The following JAKMIP1 variants were observed in gnomAD, a reference collection of about 807,000 sequenced individuals.
JAKMIP1 encodes the protein janus kinase and microtubule interacting protein 1.
In JAKMIP1, 33 loss-of-function variants were observed where a neutral mutation model predicts 113.0. That is an observed-to-expected ratio of 0.29 (90% CI 0.22 to 0.39). JAKMIP1 has a LOEUF of 0.39. Ranked by LOEUF, JAKMIP1 falls within the 10% of genes least tolerant of loss-of-function variation. The pLI is 1.00. For missense variants in JAKMIP1, 813 were observed against 1,080.5 expected (o/e 0.75, Z 3.47); for synonymous variants, 480 against 459.9 (o/e 1.04, Z -0.56).
At chr4:6,191,913 TTTTATTTA>T (rs55740817) in intron 1 of JAKMIP1, among the ~76,000 whole-genome samples, 8 of 141,054 alleles carry the variant, frequency 5.7e-5, no homozygotes, top group African/African-American at 1.6e-4. Context: ...CAGGAGTGCA[TTTTATTTA>T]TTTATTTATT....
rs1560280461 is a variant in JAKMIP1, at chr4:6,150,723, C to A, written c.-147-37726G>T. 6.6e-6 allele frequency among the ~76,000 whole-genome samples: 1 copy of A among 152,162 alleles called. No individual in the cohort carries two copies. The highest frequency in any genetic ancestry group is 1.5e-5 in the Non-Finnish European group (1 of 68,038). On this transcript the variant is annotated intron_variant, in intron 1 of 20. Coordinates refer to ENST00000409021, the MANE Select transcript of JAKMIP1 (RefSeq NM_001099433.2). The surrounding 1 kb of genome is among the most constrained non-coding windows in gnomAD (Gnocchi z 4.8). Reference sequence around the variant, plus strand: ...TGATGCTACAGGTAGGAAGAAAAATCTTTTAAAAGCACGTTAAAAGGCAGG... The same window carrying A: ...TGATGCTACAGGTAGGAAGAAAAATATTTTAAAAGCACGTTAAAAGGCAGG...
Position 6,036,046 on chromosome 4 carries a change from G to T in JAKMIP1, c.2237C>A (p.Ala746Asp). 1 of 1,555,712 alleles carries T rather than the reference G, an allele frequency of 6.4e-7. No individual in the cohort carries two copies. Residue 746 changes from alanine (A) to aspartate (D), a missense_variant, in exon 19 of 21, where the codon GCC becomes GAC. By Grantham distance (126) the Ala-to-Asp change is moderately radical (BLOSUM62 -2). Coordinates refer to ENST00000409021, the MANE Select transcript of JAKMIP1 (RefSeq NM_001099433.2). ...TALQQEPGRR[A>D]GEALSEGQRE... ...CTGGCCCTCGCTCAGCGCCTCACCG[G>T]CCCTCCGCCCCGGCTCCTGCTGCAG...
At position 6,049,821 on chromosome 4, in the gene JAKMIP1, C is replaced by T. The variant is rs370684951; in HGVS notation, c.1960G>A (p.Gly654Arg). The part of the protein sequence containing the change: ...MKKLDILGDN[G>R]NLRNEEQVAI... The stretch of plus-strand genomic sequence containing the variant: ...AGAAACCGATCGCTCATAGTTACCC[C>T]GTTATCGCCAAGGATATCTAATTTC... Residue 654 changes from glycine (G) to arginine (R), a missense_variant and splice_region_variant, in exon 15 of 21, where the codon GGG (glycine) becomes AGG (arginine). Gly to Arg is a moderately radical substitution (Grantham distance 125). Transcript: ENST00000409021. This position sits in a 1 kb window ranked among gnomAD's most constrained non-coding sequence, Gnocchi z 7.0. The T allele has an allele frequency of 1.1e-5, 17 of 1,609,456 alleles. No individual in the cohort carries two copies. The highest frequency in any genetic ancestry group is 2.2e-5 in the South Asian group (2 of 90,950).
At chr4:6,030,123 A>T (rs1712410049) in intron 19 of JAKMIP1, among the ~76,000 whole-genome samples, 1 of 152,242 alleles carries the variant, frequency 6.6e-6, no homozygotes, top group African/African-American at 2.4e-5. Flanking sequence ...TTTAAAAACA[A>T]AACATCGAGA....
Position 6,139,085 on chromosome 4 carries a change from TATACAC to T in JAKMIP1, c.-147-26094_-147-26089del, listed in dbSNP as rs1719703488. On this transcript the variant is annotated intron_variant, in intron 1 of 20. Transcript: ENST00000409021. This position sits in a 1 kb window ranked among gnomAD's most constrained non-coding sequence, Gnocchi z 5.2. ...ACACACACACACACACACACACACA[TATACAC>T]ACACACACACACACCAGCAGGTCAG... Among the ~76,000 whole-genome samples the T allele has an allele frequency of 7.1e-5, 2 of 28,000 alleles. No homozygotes were observed. The highest frequency in any genetic ancestry group is 1.3e-3 in the South Asian group (1 of 776). 18.4% of individuals were successfully genotyped at this position (28,000 alleles called of 152,430 possible).
intron 5 of JAKMIP1, among the ~76,000 whole-genome samples, chr4:6,084,057 T>C (rs983651692): frequency 7.2e-5 from 11 of 152,112 alleles, no homozygotes; most frequent in Non-Finnish European, 1.2e-4. Flanking sequence ...GTGGCTCTTG[T>C]GTGTAATCCC....
At chr4:6,115,318 G>A (rs1037044303) in intron 1 of JAKMIP1, among the ~76,000 whole-genome samples, 1 of 152,220 alleles carries the variant, frequency 6.6e-6, no homozygotes, top group African/African-American at 2.4e-5. Flanking sequence ...GCTGAGACAG[G>A]AGAATTGCTT....
At chr4:6,166,354 G>C (rs1444576046) in intron 1 of JAKMIP1, among the ~76,000 whole-genome samples, 2 of 152,218 alleles carry the variant, frequency 1.3e-5, no homozygotes, top group East Asian at 3.9e-4. Context: ...CCCCAGGCAA[G>C]ACTGGCCCAG....
At position 6,089,825 on chromosome 4, in the gene JAKMIP1, C is replaced by T. The variant is rs1265347090; in HGVS notation, c.625-4196G>A. ...AATGTCCCCCAAAATGTCACATCTA[C>T]CCCGAAAATCAGAATGTCACCTTAC... On this transcript the variant is annotated intron_variant, in intron 3 of 20. Coordinates refer to ENST00000409021, the MANE Select transcript of JAKMIP1 (RefSeq NM_001099433.2). The surrounding 1 kb of genome is among the most constrained non-coding windows in gnomAD (Gnocchi z 5.3). Among the ~76,000 whole-genome samples the T allele has an allele frequency of 6.6e-6, 1 of 152,166 alleles. No individual in the cohort carries two copies. Among genetic ancestry groups the T allele is most frequent in the Non-Finnish European group, 1.5e-5 (1 of 68,024 alleles).
In JAKMIP1 at chr4:6,116,715, C is replaced by G. The variant is rs529965069; in HGVS notation, c.-147-3718G>C. Among the ~76,000 whole-genome samples the G allele has an allele frequency of 2.6e-5, 4 of 152,142 alleles. No individual in the cohort carries two copies. The highest frequency in any genetic ancestry group is 1.5e-5 in the Non-Finnish European group (1 of 68,020). ...TAACTGCCTACAGGAAATTAATATACCGGGCATGCAGGAGGACCAGACAAG... is the reference window on the plus strand; with the variant it reads ...TAACTGCCTACAGGAAATTAATATAGCGGGCATGCAGGAGGACCAGACAAG... On this transcript the variant is annotated intron_variant, in intron 1 of 20. Transcript: ENST00000409021. This position sits in a 1 kb window ranked among gnomAD's most constrained non-coding sequence, Gnocchi z 5.1.
intron 1 of JAKMIP1, among the ~76,000 whole-genome samples, chr4:6,182,414 A>AG (rs1346259622): frequency 1.4e-5 from 2 of 142,812 alleles, no homozygotes; most frequent in Admixed American, 1.4e-4. Context: ...GTCTCAGAAA[A>AG]AAAAAAAAAA....
intron 1 of JAKMIP1, among the ~76,000 whole-genome samples, chr4:6,189,810 T>C (rs1727043686): frequency 6.6e-6 from 1 of 151,494 alleles, no homozygotes; most frequent in Non-Finnish European, 1.5e-5. Context: ...TAAGCACAAG[T>C]GGATGGGGTG....
intron 1 of JAKMIP1, among the ~76,000 whole-genome samples, chr4:6,169,338 G>A (rs190250600): frequency 2.2e-4 from 34 of 152,228 alleles, no homozygotes; most frequent in Admixed American, 1.4e-3. Flanking sequence ...CCTTATAAAA[G>A]ATACTCAGAC....
intron 3 of JAKMIP1, among the ~76,000 whole-genome samples, chr4:6,087,672 G>A (rs773077501): frequency 1.3e-5 from 2 of 152,166 alleles, no homozygotes; most frequent in Non-Finnish European, 2.9e-5. Context: ...TTGACATAGA[G>A]TTCAGGAAAG....
chr4:6,169,219 A>G (rs138146471), intron 1 of JAKMIP1, among the ~76,000 whole-genome samples: 9 of 152,298 alleles, frequency 5.9e-5, no homozygotes, highest in Non-Finnish European at 4.4e-5. Flanking sequence ...TGTCCTTCCC[A>G]CAATCTCAGC....
chr4:6,098,797 T>G (rs1282057312), intron 3 of JAKMIP1, among the ~76,000 whole-genome samples: 1 of 152,192 alleles, frequency 6.6e-6, no homozygotes, highest in Non-Finnish European at 1.5e-5. Flanking sequence ...GATTGATTCC[T>G]GATGCTCGAG....
At position 6,129,351 on chromosome 4, in the gene JAKMIP1, C is replaced by T. The variant is rs1489427306; in HGVS notation, c.-147-16354G>A. Among the ~76,000 whole-genome samples the T allele has an allele frequency of 6.6e-6, 1 of 152,194 alleles. No individual in the cohort carries two copies. The highest frequency in any genetic ancestry group is 1.5e-5 in the Non-Finnish European group (1 of 68,030). On this transcript the variant is annotated intron_variant, in intron 1 of 20. Coordinates refer to ENST00000409021, the MANE Select transcript of JAKMIP1 (RefSeq NM_001099433.2). The surrounding 1 kb of genome is among the most constrained non-coding windows in gnomAD (Gnocchi z 5.4). ...AGGAACCATTGATATTTAAATGTGG[C>T]CTTTGGCTAAATGGTAAGGTACTGA...
chr4:6,046,301 C>A (rs954098518), intron 16 of JAKMIP1, among the ~76,000 whole-genome samples: 2 of 152,220 alleles, frequency 1.3e-5, no homozygotes, highest in Non-Finnish European at 2.9e-5. Flanking sequence ...AGGAGACGAG[C>A]GGCAACACCC....
chr4:6,092,254 G>A (rs1289428323), intron 3 of JAKMIP1, among the ~76,000 whole-genome samples: 1 of 152,130 alleles, frequency 6.6e-6, no homozygotes, highest in Non-Finnish European at 1.5e-5. Context: ...GAGGAGCCCT[G>A]TACTGTCAGT....
Sources: allele counts gnomAD v4.1 joint callset (sites outside exome capture counted in the v4.1 genomes callset), GRCh38; gene constraint gnomAD v4.1.1; non-coding constraint Gnocchi (gnomAD v3.1); transcripts MANE v1.5; gene names NCBI Gene and HGNC (gene_info 2026-07-23, HGNC 2026-07-21).